The following RYR2 variants were observed in gnomAD, a reference collection of about 807,000 sequenced individuals.
The protein encoded by RYR2 is cardiac muscle ryanodine receptor-calcium release channel.
A neutral mutation model predicts 601.1 loss-of-function variants in RYR2; 227 were observed. The ratio of observed to expected loss-of-function variants is 0.38; its 90% CI spans 0.34 to 0.42. The LOEUF (loss-of-function observed/expected upper bound fraction) is 0.42, where lower values mean the gene tolerates loss of function less well. Ranked by LOEUF, RYR2 falls within the 10% of genes least tolerant of loss-of-function variation. The pLI, the probability that RYR2 is intolerant of heterozygous loss-of-function variation, is 1.00. For missense variants in RYR2, 4,646 were observed against 6,156.5 expected (o/e 0.75, Z 8.21); for synonymous variants, 2,223 against 2,175.1 (o/e 1.02, Z -0.61).
At chr1:237,043,534 A>G (rs1041089906) in intron 1 of RYR2, among the ~76,000 whole-genome samples, 1 of 152,102 alleles carries the variant, frequency 6.6e-6, no homozygotes, top group Non-Finnish European at 1.5e-5. Flanking sequence ...AGGCTGAGGC[A>G]TTGCACACCT....
chr1:237,376,096 C>T (rs1701012734), intron 7 of RYR2, among the ~76,000 whole-genome samples: 1 of 152,098 alleles, frequency 6.6e-6, no homozygotes, highest in African/African-American at 2.4e-5. Context: ...GCTACTAAAG[C>T]AATGGTTAGC....
In RYR2 at chr1:237,529,862, T is replaced by C. The variant is rs571708379; in HGVS notation, c.2823-565T>C. Among the ~76,000 whole-genome samples, 9 of 151,478 alleles carry C rather than the reference T, an allele frequency of 5.9e-5. No homozygotes were observed. The South Asian group carries it at 1.0e-3, about 18-fold the overall frequency. ...CAGGATATCGAAGAATTGTTAACAA[T>C]TGATGCCTTTAGAGGAAGGAAACAG... On this transcript the variant is annotated intron_variant, in intron 24 of 104. Transcript: ENST00000366574.
rs75684525 is a variant in RYR2 at position 237,725,287 on chromosome 1, G to A, written c.10690-986G>A. On this transcript the variant is annotated intron_variant, in intron 74 of 104. Transcript: ENST00000366574. ...ATGAGAGGAGGGTTTTGAGTTAAAA[G>A]AAATTGTCGATTATCAAAAATAAAA... Among the ~76,000 whole-genome samples, 353 of 152,194 alleles carry A rather than the reference G, an allele frequency of 2.3e-3. 1 individual carries two copies. The highest frequency in any genetic ancestry group is 7.7e-3 in the African/African-American group (319 of 41,544).
rs989292503 is a variant in RYR2, at chr1:237,784,300, C to T, written c.12588C>T (p.Thr4196=). The T allele has an allele frequency of 1.4e-5, 22 of 1,613,714 alleles. No homozygotes were observed. The highest frequency in any genetic ancestry group is 1.9e-5 in the Non-Finnish European group (22 of 1,179,826). ...MELFVNFCED[T]IFEMQLAAQI... The stretch of plus-strand genomic sequence containing the variant: ...TCTTTGTGAACTTCTGCGAGGACAC[C>T]ATCTTTGAAATGCAGCTGGCGGCTC... Residue 4196 remains threonine, a synonymous_variant, in exon 90 of 105, where the codon ACC becomes ACT. Transcript: ENST00000366574. The surrounding 1 kb of genome is among the most constrained non-coding windows in gnomAD (Gnocchi z 7.1).
intron 27 of RYR2, among the ~76,000 whole-genome samples, chr1:237,560,515 C>G (rs960716485): frequency 1.3e-5 from 2 of 152,198 alleles, no homozygotes; most frequent in Admixed American, 6.5e-5. Context: ...CTGATTTTCA[C>G]TATGATTGAG....
Position 237,569,227 on chromosome 1 carries a change from A to G in RYR2, c.3506A>G (p.Asn1169Ser), listed in dbSNP as rs979486756. 6.2e-7 allele frequency: 1 copy of G among 1,613,866 alleles called. No individual in the cohort carries two copies. The highest frequency in any genetic ancestry group is 1.3e-5 in the African/African-American group (1 of 74,926). ...GTCGTGGGGTGTATGGTTGACATGA[A>G]CGAACACACCATGATGTTCACACTG... is the stretch of plus-strand genomic sequence containing the variant. ...GDVVGCMVDM[N>S]EHTMMFTLNG... The change falls in exon 29 of 105, where the codon AAC becomes AGC. Residue 1169 changes from asparagine (N) to serine (S), a missense_variant. Physicochemically the swap from Asn to Ser is conservative, Grantham distance 46. Transcript: ENST00000366574.
Position 237,625,562 on chromosome 1 carries a change from T to C in RYR2, c.6023-99T>C, listed in dbSNP as rs571026. 0.81 allele frequency: 993,226 copies of C among 1,220,360 alleles called. 406,428 individuals carry two copies. Among genetic ancestry groups the C allele is most frequent in the Admixed American group, 0.84 (38,706 of 46,346 alleles). The allele number at this position is 1,220,360 out of a possible 1,614,324, so 75.6% of individuals were successfully genotyped here. A position where few individuals can be genotyped will look rare whatever the true frequency, so the allele number is the denominator to read the frequency against. On this transcript the variant is annotated intron_variant, in intron 39 of 104. Transcript: ENST00000366574. ...TTAATGTTAGATGTTTTTGACATTG[T>C]TCTAAGTTGTGCATGAAAGAAATTA... is the stretch of plus-strand genomic sequence containing the variant.
At chr1:237,227,966 CTT>C (rs34963620) in intron 1 of RYR2, among the ~76,000 whole-genome samples, 46,763 of 148,480 alleles carry the variant, frequency 0.31, 8,063 homozygotes, top group Admixed American at 0.4. Flanking sequence ...TTGTTTTTGC[CTT>C]TTTTTTTTTA....
intron 48 of RYR2, among the ~76,000 whole-genome samples, chr1:237,647,125 A>G (rs1326951555): frequency 6.6e-6 from 1 of 152,236 alleles, no homozygotes; most frequent in African/African-American, 2.4e-5. Flanking sequence ...ATTGAATTTT[A>G]TATAGATTTT....
Position 237,429,905 on chromosome 1 carries a change from T to C in RYR2, c.1005+6657T>C, listed in dbSNP as rs183841675. ...GCCAAAAAAATGGAAAAGTCACACA[T>C]TTGCAATAAAGATTATTCTATATCT... On this transcript the variant is annotated intron_variant, in intron 12 of 104. Transcript: ENST00000366574. 2.4e-4 allele frequency among the ~76,000 whole-genome samples: 36 copies of C among 152,084 alleles called. No individual in the cohort carries two copies. In the Middle Eastern group the frequency reaches 0.014, roughly 58 times the overall value.
At chr1:237,179,503 A>G (rs1678460019) in intron 1 of RYR2, among the ~76,000 whole-genome samples, 1 of 152,086 alleles carries the variant, frequency 6.6e-6, no homozygotes, top group Non-Finnish European at 1.5e-5. Context: ...GAAGCAGAGG[A>G]GAAGAACTGG....
At position 237,469,052 on chromosome 1, in the gene RYR2, G is replaced by GA. The variant is rs1047712848; in HGVS notation, c.1613-36dup. On this transcript the variant is annotated intron_variant, in intron 16 of 104. Transcript: ENST00000366574. ...TTAGCTTATCTCAATTTTCGAGCTA[G>GA]AAAATCACATAAAGGTGAAATCTAT... 15 of 1,560,344 alleles carry GA rather than the reference G, an allele frequency of 9.6e-6. 1 individual carries two copies. The highest frequency in any genetic ancestry group is 1.7e-4 in the Middle Eastern group (1 of 5,978).
intron 1 of RYR2, among the ~76,000 whole-genome samples, chr1:237,077,827 T>C (rs1179120188): frequency 6.6e-6 from 1 of 151,870 alleles, no homozygotes; most frequent in Non-Finnish European, 1.5e-5. Context: ...ATATACATTT[T>C]TTTCAGCACC....
chr1:237,396,096 T>G (rs1294486568), intron 10 of RYR2, among the ~76,000 whole-genome samples: 1 of 152,240 alleles, frequency 6.6e-6, no homozygotes, highest in Non-Finnish European at 1.5e-5. Context: ...TGGTTAAGGA[T>G]GGCTGTATAG....
chr1:237,233,423 A>G (rs1256644231), intron 1 of RYR2, among the ~76,000 whole-genome samples: 2 of 152,060 alleles, frequency 1.3e-5, no homozygotes, highest in Admixed American at 6.6e-5. Context: ...GGAGACATTT[A>G]TGATGTGGAT....
intron 79 of RYR2, among the ~76,000 whole-genome samples, chr1:237,735,554 T>C (rs2819772): frequency 0.23 from 35,138 of 152,014 alleles, 5,085 homozygotes; most frequent in East Asian, 0.57. Context: ...GCCATGGCTT[T>C]CTAATTTATT....
intron 17 of RYR2, among the ~76,000 whole-genome samples, chr1:237,473,477 C>CTTTCTTTCTTTCTTTCTTCTTCT (rs1553464755): frequency 2.7e-5 from 4 of 145,552 alleles, no homozygotes; most frequent in Admixed American, 1.4e-4. Context: ...ATCTATCTAT[C>CTTTCTTTCTTTCTTTCTTCTTCT]TGGCATATAT....
At chr1:237,554,641 A>G (rs1572853376) in intron 27 of RYR2, among the ~76,000 whole-genome samples, 1 of 152,056 alleles carries the variant, frequency 6.6e-6, no homozygotes. Flanking sequence ...GTATTTTGTT[A>G]TGAATTCAAT....
rs1482109140 is a variant in RYR2, at chr1:237,649,977, C to T, written c.7613C>T (p.Thr2538Ile). ...AGATGTGCTCCTCTCTTTGCTGGCA[C>T]AGAGCACCACGCTTCTCTCATTGAC... ...LTRCAPLFAG[T>I]EHHASLIDSL... Residue 2538 changes from threonine (T) to isoleucine (I), a missense_variant, in exon 50 of 105, where the codon ACA (threonine) becomes ATA (isoleucine). Physicochemically the swap from Thr to Ile is moderately conservative, Grantham distance 89. Coordinates refer to ENST00000366574, the MANE Select transcript of RYR2 (RefSeq NM_001035.3). 6.2e-7 allele frequency: 1 copy of T among 1,613,964 alleles called. No homozygotes were observed. The highest frequency in any genetic ancestry group is 8.5e-7 in the Non-Finnish European group (1 of 1,179,838).
Sources: allele counts gnomAD v4.1 joint callset (sites outside exome capture counted in the v4.1 genomes callset), GRCh38; gene constraint gnomAD v4.1.1; non-coding constraint Gnocchi (gnomAD v3.1); transcripts MANE v1.5; gene names NCBI Gene and HGNC (gene_info 2026-07-23, HGNC 2026-07-21).